UROC1: variants seen among roughly 807,000 people sequenced by gnomAD.
UROC1 encodes the protein urocanate hydratase.
A neutral mutation model predicts 89.5 loss-of-function variants in UROC1; 79 were observed. The observed-to-expected ratio is 0.88, with a 90% CI of 0.74 to 1.06. UROC1 has a LOEUF of 1.06. Ranked by LOEUF, UROC1 falls within the 50% of genes least tolerant of loss-of-function variation. The pLI, the probability that UROC1 is intolerant of heterozygous loss-of-function variation, is 0.00. For synonymous variants in UROC1, 361 were observed against 354.8 expected, an observed-to-expected ratio of 1.02 and a Z score of -0.20; for missense variants, 885 against 907.8, an observed-to-expected ratio of 0.97 and a Z score of 0.32.
At chr3:126,509,253 A>G (rs1356208394) in intron 3 of UROC1, among the ~76,000 whole-genome samples, 1 of 151,640 alleles carries the variant, frequency 6.6e-6, no homozygotes, top group Non-Finnish European at 1.5e-5. Context: ...AAAAAAAAAA[A>G]AGTAAAAAAA....
chr3:126,495,405 G>C (rs1274031932), intron 15 of UROC1, among the ~76,000 whole-genome samples: 1 of 152,090 alleles, frequency 6.6e-6, no homozygotes, highest in East Asian at 1.9e-4. Flanking sequence ...TGCAGTATTT[G>C]TCCTTTTGTG....
chr3:126,509,533 C>A, intron 3 of UROC1, 52 bp downstream of exon 3: 1 of 1,454,088 alleles, frequency 6.9e-7, no homozygotes, highest in Non-Finnish European at 9.5e-7. Flanking sequence ...ACGTGTGTCT[C>A]GTGTTCTGTT....
At chr3:126,485,603 T>A (rs58212765) in intron 18 of UROC1, among the ~76,000 whole-genome samples, 4,833 of 151,338 alleles carry the variant, frequency 0.032, 258 homozygotes, top group African/African-American at 0.11. Flanking sequence ...TTATTTATTT[T>A]TTTTTGGTAG....
rs527607449 is a variant in UROC1, at chr3:126,502,067, T to C, written c.903-787A>G. ...TTCCTTAAACTGATTTTGATGTATG[T>C]GTATGTGTGTGTGTTCATGTGTGGA... On this transcript the variant is annotated intron_variant, in intron 9 of 19. Transcript: ENST00000290868. The C allele has an allele frequency of 4.7e-6, 5 of 1,058,654 alleles. No homozygotes were observed. The South Asian group carries it at 9.1e-5, about 19-fold the overall frequency. 65.6% of individuals were successfully genotyped at this position (1,058,654 alleles called of 1,614,324 possible).
intron 3 of UROC1, among the ~76,000 whole-genome samples, chr3:126,508,690 C>G (rs1936126248): frequency 6.6e-6 from 1 of 152,144 alleles, no homozygotes. Flanking sequence ...AGATCTGGGT[C>G]TGGGGTCACT....
At chr3:126,483,695 C>T (rs1027197252) in intron 18 of UROC1, among the ~76,000 whole-genome samples, 7 of 152,224 alleles carry the variant, frequency 4.6e-5, no homozygotes, top group Admixed American at 6.5e-5. Context: ...CTGTGCTGGG[C>T]CTGTCGGCCT....
rs1935405291 is a variant in UROC1 at position 126,482,257 on chromosome 3, CGGGTGTGCAGGAA to C, written c.*75_*87del. 1 of 1,567,456 alleles carries C rather than the reference CGGGTGTGCAGGAA, an allele frequency of 6.4e-7. No homozygotes were observed. On this transcript the variant is annotated 3_prime_UTR_variant, in exon 20 of 20. Transcript: ENST00000290868. ...GGATGTGCGAGAAGTGCAGGTAGTGCGGGTGTGCAGGAAGGGTGTGTGCCATGGCTGGGCAGGT... is the reference window on the plus strand; with the variant it reads ...GGATGTGCGAGAAGTGCAGGTAGTGCGGGTGTGTGCCATGGCTGGGCAGGT...
At chr3:126,501,142 G>T in intron 10 of UROC1, 76 bp downstream of exon 10, 1 of 1,464,156 alleles carries the variant, frequency 6.8e-7, no homozygotes, top group Non-Finnish European at 9.6e-7. Context: ...GCAGCTCCTG[G>T]TCAGCATTGA....
intron 8 of UROC1, among the ~76,000 whole-genome samples, chr3:126,504,615 G>C (rs1368842269): frequency 1.3e-5 from 2 of 152,178 alleles, no homozygotes; most frequent in Non-Finnish European, 2.9e-5. Context: ...TGTTGGTTAC[G>C]TGAGAAAAAT....
At chr3:126,511,128 G>A (rs536534199) in intron 1 of UROC1, among the ~76,000 whole-genome samples, 68 of 152,286 alleles carry the variant, frequency 4.5e-4, no homozygotes, top group Non-Finnish European at 7.1e-4. Context: ...TGGCTATGGT[G>A]TAGAATGCAG....
intron 17 of UROC1, 76 bp downstream of exon 17, chr3:126,489,200 T>C: frequency 7.2e-7 from 1 of 1,385,272 alleles, no homozygotes; most frequent in East Asian, 2.3e-5. Flanking sequence ...CGAAACATTG[T>C]GACTGACTAA....
intron 13 of UROC1, among the ~76,000 whole-genome samples, 189 bp downstream of exon 13, chr3:126,499,148 C>T (rs1054431596): frequency 6.6e-6 from 1 of 151,878 alleles, no homozygotes; most frequent in East Asian, 1.9e-4. Context: ...TCCTCCTCAC[C>T]TGCCTGTCTG....
At chr3:126,488,859 CT>C (rs1481064770) in intron 17 of UROC1, among the ~76,000 whole-genome samples, 1 of 152,220 alleles carries the variant, frequency 6.6e-6, no homozygotes, top group African/African-American at 2.4e-5. Context: ...CGTTTGCACC[CT>C]CTTGCAGGCT....
At chr3:126,501,022 A>T (rs1935908199) in intron 10 of UROC1, 148 bp from the exon 11 acceptor site, 4 of 1,342,600 alleles carry the variant, frequency 3.0e-6, no homozygotes, top group Non-Finnish European at 4.2e-6. Flanking sequence ...CCCTGGAAAG[A>T]GAACCTACGG....
At chr3:126,504,177 C>A in intron 8 of UROC1, 94 bp from the exon 9 acceptor site, 1 of 1,242,908 alleles carries the variant, frequency 8.0e-7, no homozygotes, top group Non-Finnish European at 1.2e-6. Context: ...GGTGTCATCC[C>A]CTGTAGGTCC....
At chr3:126,490,083 G>A (rs1198207882) in intron 16 of UROC1, among the ~76,000 whole-genome samples, 1 of 152,230 alleles carries the variant, frequency 6.6e-6, no homozygotes, top group East Asian at 1.9e-4. Context: ...GGTCACTTCC[G>A]TCTGGGAATA....
chr3:126,517,451 C>G (rs1465399470), intron 1 of UROC1, 143 bp downstream of exon 1: 1 of 1,279,336 alleles, frequency 7.8e-7, no homozygotes. Flanking sequence ...GTGCATTGCA[C>G]CCGCACAGGC....
At chr3:126,497,543 A>G (rs4383463) in intron 14 of UROC1, among the ~76,000 whole-genome samples, 82,075 of 152,060 alleles carry the variant, frequency 0.54, 22,411 homozygotes, top group South Asian at 0.62. Context: ...GCATGTGGAG[A>G]CAGCTTCATC....
chr3:126,517,248 C>T (rs1023929243), intron 1 of UROC1, among the ~76,000 whole-genome samples: 15 of 152,186 alleles, frequency 9.9e-5, no homozygotes, highest in African/African-American at 2.7e-4. Flanking sequence ...TGTGTGCAAA[C>T]GTTCTGAGTG....
Sources: gnomAD v4.1 joint callset for allele counts (sites outside exome capture counted in the v4.1 genomes callset) on GRCh38, gnomAD v4.1.1 for gene constraint, MANE v1.5 for transcripts, NCBI Gene and HGNC (gene_info 2026-07-23, HGNC 2026-07-21) for gene names.